The following SCEL variants were observed in gnomAD, a reference collection of about 807,000 sequenced individuals.
SCEL encodes sciellin.
In SCEL, 113 loss-of-function variants were observed where a neutral mutation model predicts 117.6. That is an observed-to-expected ratio of 0.96 (90% CI 0.83 to 1.12). SCEL has a LOEUF of 1.12. Among genes scored for constraint, SCEL ranks in the 50% most tolerant of loss-of-function variants. The pLI, the probability that SCEL is intolerant of heterozygous loss-of-function variation, is 0.00. For synonymous variants in SCEL, 270 were observed against 256.2 expected (o/e 1.05, Z -0.51); for missense variants, 785 against 810.8 (o/e 0.97, Z 0.39).
At chr13:77,542,066 G>A (rs1044638646) in intron 1 of SCEL, among the ~76,000 whole-genome samples, 3 of 152,074 alleles carry the variant, frequency 2.0e-5, no homozygotes, top group Non-Finnish European at 2.9e-5. Flanking sequence ...AATAATTATA[G>A]GCCACTATTC....
Position 77,563,859 on chromosome 13 carries a change from G to C in SCEL, c.250G>C (p.Ala84Pro). ...RKVNERDVPK[A>P]TISRYSSDDT... Reference sequence around the variant, plus strand: ...AGTAAATGAGAGAGATGTGCCAAAAGCTACAATTAGTCGGTACAGTTCTGA... The same window carrying C: ...AGTAAATGAGAGAGATGTGCCAAAACCTACAATTAGTCGGTACAGTTCTGA... The change falls in exon 5 of 33, where the codon GCT becomes CCT. Residue 84 changes from alanine to proline, a missense_variant. By Grantham distance (27) the Ala-to-Pro change is conservative. Transcript: ENST00000349847. The C allele has an allele frequency of 6.2e-7, 1 of 1,600,550 alleles. No individual in the cohort carries two copies. Among genetic ancestry groups the C allele is most frequent in the Non-Finnish European group, 8.5e-7 (1 of 1,175,770 alleles).
chr13:77,563,461 G>A (rs1274810539), intron 4 of SCEL, among the ~76,000 whole-genome samples: 1 of 152,162 alleles, frequency 6.6e-6, no homozygotes, highest in African/African-American at 2.4e-5. Flanking sequence ...ATAAAAGATT[G>A]AGTTCCTATT....
chr13:77,629,794 T>G (rs540519279), intron 28 of SCEL, among the ~76,000 whole-genome samples: 1 of 152,190 alleles, frequency 6.6e-6, no homozygotes, highest in African/African-American at 2.4e-5. Context: ...AGAAATATGA[T>G]TGGACAAAAA....
intron 1 of SCEL, among the ~76,000 whole-genome samples, chr13:77,551,756 CATATGT>C: frequency 6.6e-6 from 1 of 152,064 alleles, no homozygotes; most frequent in African/African-American, 2.4e-5. Flanking sequence ...AGGTTAGTTA[CATATGT>C]ATACATGTGC....
chr13:77,602,349 T>C, intron 16 of SCEL: 1 of 503,146 alleles, frequency 2.0e-6, no homozygotes, highest in Non-Finnish European at 3.5e-6. Flanking sequence ...TAATCTCTTA[T>C]TCCGTATTTT....
At chr13:77,589,374 C>A in intron 10 of SCEL, 150 bp downstream of exon 10, 1 of 530,636 alleles carries the variant, frequency 1.9e-6, no homozygotes, top group Non-Finnish European at 3.3e-6. Context: ...AATTTTATTT[C>A]CCAACACATA....
At chr13:77,582,799 A>G (rs1048543705) in intron 9 of SCEL, among the ~76,000 whole-genome samples, 1 of 152,076 alleles carries the variant, frequency 6.6e-6, no homozygotes, top group Admixed American at 6.6e-5. Flanking sequence ...TCTTTGCTTA[A>G]CTAATGATCA....
chr13:77,541,052 A>G (rs1344743419), intron 1 of SCEL, among the ~76,000 whole-genome samples: 1 of 152,248 alleles, frequency 6.6e-6, no homozygotes, highest in Non-Finnish European at 1.5e-5. Context: ...GATGGCTTTT[A>G]AAGAGTGAAA....
intron 10 of SCEL, 71 bp downstream of exon 10, chr13:77,589,295 C>A: frequency 8.7e-7 from 1 of 1,143,434 alleles, no homozygotes; most frequent in Non-Finnish European, 1.3e-6. Context: ...TGGACTGTGA[C>A]CCGCTGTGGG....
At chr13:77,580,419 T>A (rs750644439) in intron 9 of SCEL, among the ~76,000 whole-genome samples, 24 of 152,212 alleles carry the variant, frequency 1.6e-4, no homozygotes, top group Non-Finnish European at 3.2e-4. Flanking sequence ...ATGGAGGGAA[T>A]AATAGGAGCC....
At position 77,609,203 on chromosome 13, in the gene SCEL, T is replaced by A. The variant is rs1594110173; in HGVS notation, c.1277+86T>A. On this transcript the variant is annotated intron_variant, in intron 21 of 32. Coordinates refer to ENST00000349847, the MANE Select transcript of SCEL (RefSeq NM_144777.3). The stretch of plus-strand genomic sequence containing the variant: ...AAGCATCATTTCAGCTGACTGATGC[T>A]GAACCCAATGATCCTTCAAGAAAAG... 3.8e-6 allele frequency: 4 copies of A among 1,051,184 alleles called. No homozygotes were observed. The East Asian group carries it at 1.0e-4, about 27-fold the overall frequency. The allele number at this position is 1,051,184 out of a possible 1,614,324, so 65.1% of individuals were successfully genotyped here. A position where few individuals can be genotyped will look rare whatever the true frequency, so the allele number is the denominator to read the frequency against.
chr13:77,550,617 T>C (rs1463232886), intron 1 of SCEL, among the ~76,000 whole-genome samples: 1 of 152,146 alleles, frequency 6.6e-6, no homozygotes, highest in Non-Finnish European at 1.5e-5. Context: ...AATCATACAA[T>C]GTGTCCTCTT....
rs750931534 is a variant in SCEL, at chr13:77,609,094, A to G, written c.1254A>G (p.Pro418=). 4 of 1,598,604 alleles carry G rather than the reference A, an allele frequency of 2.5e-6. No individual in the cohort carries two copies. The highest frequency in any genetic ancestry group is 1.8e-5 in the Admixed American group (1 of 55,224). ...KDLNNFIKVY[P]GTEKSTEGGQ... The stretch of plus-strand genomic sequence containing the variant: ...TTAATAACTTCATCAAAGTGTATCC[A>G]GGAACAGAAAAAAGTACTGAAGGGT... The change falls in exon 21 of 33, where the codon CCA becomes CCG. Residue 418 remains proline, a synonymous_variant. Coordinates refer to ENST00000349847, the MANE Select transcript of SCEL (RefSeq NM_144777.3).
chr13:77,602,699 T>A lies in SCEL; in HGVS notation c.1023T>A (p.Asn341Lys). ...ESVAKVNARM[N>K]KTSRRSEDLD... ...TTGCTAAAGTGAATGCCAGGATGAA[T>A]AAAACGAGCAGAAGGTGAGAACTGA... The change falls in exon 17 of 33, where the codon AAT (asparagine) becomes AAA (lysine). Residue 341 changes from asparagine to lysine, a missense_variant. Physicochemically the swap from Asn to Lys is moderately conservative, Grantham distance 94. Transcript: ENST00000349847. The A allele has an allele frequency of 6.2e-7, 1 of 1,613,682 alleles. No individual in the cohort carries two copies. The highest frequency in any genetic ancestry group is 1.1e-5 in the South Asian group (1 of 91,054).
chr13:77,549,717 A>G (rs765244392), intron 1 of SCEL, among the ~76,000 whole-genome samples: 7 of 152,134 alleles, frequency 4.6e-5, no homozygotes, highest in African/African-American at 9.7e-5. Context: ...TCTTTATTGT[A>G]TAAGTTTAAC....
chr13:77,559,731 G>C, intron 3 of SCEL, 73 bp from the exon 4 acceptor site: 2 of 1,357,642 alleles, frequency 1.5e-6, no homozygotes, highest in Admixed American at 1.8e-5. Context: ...TCGCCCGCAT[G>C]TCTCTCTCAT....
chr13:77,543,900 G>A (rs1279082136), intron 1 of SCEL, among the ~76,000 whole-genome samples: 1 of 152,120 alleles, frequency 6.6e-6, no homozygotes, highest in Non-Finnish European at 1.5e-5. Context: ...CCAACTGGGC[G>A]ATTCACTAGT....
rs753821746 is a variant in SCEL, at chr13:77,602,077, T to C, written c.930T>C (p.Leu310=). Residue 310 remains leucine, a synonymous_variant, in exon 16 of 33, where the codon CTT becomes CTC. Coordinates refer to ENST00000349847, the MANE Select transcript of SCEL (RefSeq NM_144777.3). ...TDKDGKGIQS[L]GSPIKVNQRT... ...CAATGTTGTAAAGAATCCAAAGCCTTGGAAGTCCGATTAAAGTTAATCAAA... is the reference window on the plus strand; with the variant it reads ...CAATGTTGTAAAGAATCCAAAGCCTCGGAAGTCCGATTAAAGTTAATCAAA... 1 of 1,610,582 alleles carries C rather than the reference T, an allele frequency of 6.2e-7. No individual in the cohort carries two copies. The highest frequency in any genetic ancestry group is 1.1e-5 in the South Asian group (1 of 90,492).
chr13:77,597,447 G>GTGT (rs1374267642), intron 12 of SCEL, 98 bp from the exon 13 acceptor site: 1 of 644,628 alleles, frequency 1.6e-6, no homozygotes, highest in Non-Finnish European at 2.7e-6. Flanking sequence ...AAAGTGGGAT[G>GTGT]TGTTGTATTT....
Sources: allele counts gnomAD v4.1 joint callset (sites outside exome capture counted in the v4.1 genomes callset), GRCh38; gene constraint gnomAD v4.1.1; transcripts MANE v1.5; gene names NCBI Gene and HGNC (gene_info 2026-07-23, HGNC 2026-07-21).